The following PTPRD variants were observed in gnomAD, a reference collection of about 807,000 sequenced individuals.
PTPRD encodes the protein receptor-type tyrosine-protein phosphatase delta.
A neutral mutation model predicts 214.5 loss-of-function variants in PTPRD; 34 were observed. That is an observed-to-expected ratio of 0.16 (90% CI 0.12 to 0.21). The LOEUF is 0.21. Ranked by LOEUF, PTPRD falls within the 10% of genes least tolerant of loss-of-function variation. The pLI is 1.00. For missense variants in PTPRD, 2,545 were observed against 2,398.7 expected (o/e 1.06, Z -1.27); for synonymous variants, 1,128 against 845.7 (o/e 1.33, Z -5.79).
chr9:10,087,489 A>G lies in PTPRD; in HGVS notation c.-544-53699T>C, dbSNP rs187205655. Among the ~76,000 whole-genome samples the G allele has an allele frequency of 2.7e-3, 414 of 151,834 alleles. 1 individual carries two copies. The highest frequency in any genetic ancestry group is 4.5e-3 in the Non-Finnish European group (307 of 67,806). On this transcript the variant is annotated intron_variant, in intron 3 of 45. Coordinates refer to ENST00000381196, the MANE Select transcript of PTPRD (RefSeq NM_002839.4). Reference sequence around the variant, plus strand: ...CTTCAGAGTGTAGTTTATCCATTATATCACTACAACTACAGCCTCCTATCA... The same window carrying G: ...CTTCAGAGTGTAGTTTATCCATTATGTCACTACAACTACAGCCTCCTATCA...
chr9:10,238,581 C>T (rs1054917836), intron 3 of PTPRD, among the ~76,000 whole-genome samples: 19 of 151,718 alleles, frequency 1.3e-4, no homozygotes, highest in Non-Finnish European at 1.8e-4. Context: ...CTTTAGCTAT[C>T]GAAAGCATAT....
At chr9:10,264,041 C>A (rs888718349) in intron 3 of PTPRD, among the ~76,000 whole-genome samples, 3 of 152,138 alleles carry the variant, frequency 2.0e-5, no homozygotes, top group Non-Finnish European at 4.4e-5. Context: ...TGCGAGTGCA[C>A]AGAAGTCAAG....
At chr9:10,017,115 T>C (rs1298127801) in intron 4 of PTPRD, among the ~76,000 whole-genome samples, 3 of 152,234 alleles carry the variant, frequency 2.0e-5, no homozygotes, top group African/African-American at 7.2e-5. Flanking sequence ...TTCCCAATCA[T>C]ACACATGTTT....
intron 12 of PTPRD, among the ~76,000 whole-genome samples, chr9:8,705,877 T>C (rs1315312277): frequency 1.3e-5 from 2 of 152,218 alleles, no homozygotes; most frequent in Non-Finnish European, 2.9e-5. Flanking sequence ...AAGTGTATTT[T>C]TCCATGAGCA....
intron 9 of PTPRD, among the ~76,000 whole-genome samples, chr9:9,379,393 T>C (rs983287143): frequency 4.0e-5 from 6 of 151,852 alleles, no homozygotes; most frequent in Admixed American, 3.9e-4. Flanking sequence ...AAAATTGATC[T>C]ACTTTCCTAT....
At chr9:9,897,773 C>G (rs2075385478) in intron 5 of PTPRD, among the ~76,000 whole-genome samples, 1 of 151,980 alleles carries the variant, frequency 6.6e-6, no homozygotes, top group Non-Finnish European at 1.5e-5. Context: ...TTATTTTAAA[C>G]TTGATATTTT....
intron 10 of PTPRD, among the ~76,000 whole-genome samples, chr9:9,115,322 A>G (rs2099811335): frequency 1.3e-5 from 2 of 152,192 alleles, no homozygotes; most frequent in Middle Eastern, 3.2e-3. Flanking sequence ...TTTCCATGAC[A>G]TGAACAGACA....
intron 8 of PTPRD, among the ~76,000 whole-genome samples, chr9:9,437,373 C>A (rs1233402975): frequency 6.6e-6 from 1 of 152,096 alleles, no homozygotes; most frequent in Non-Finnish European, 1.5e-5. Flanking sequence ...TTTGATTGCA[C>A]TGTCACCAGG....
chr9:10,038,811 A>G (rs2097240240), intron 3 of PTPRD, among the ~76,000 whole-genome samples: 2 of 152,010 alleles, frequency 1.3e-5, no homozygotes, highest in Non-Finnish European at 1.5e-5. Flanking sequence ...AAAATGTTGT[A>G]TTATTATTGT....
At chr9:10,508,360 A>G (rs978794618) in intron 2 of PTPRD, among the ~76,000 whole-genome samples, 16 of 152,204 alleles carry the variant, frequency 1.1e-4, no homozygotes, top group African/African-American at 3.4e-4. Flanking sequence ...ACTGTAAACT[A>G]GTTCAACCAT....
At chr9:9,840,624 G>A (rs975477871) in intron 5 of PTPRD, among the ~76,000 whole-genome samples, 10 of 151,734 alleles carry the variant, frequency 6.6e-5, no homozygotes, top group South Asian at 2.1e-4. Context: ...TTAGCTGGGC[G>A]TGGTGGCGCG....
At chr9:9,907,975 G>A (rs977142592) in intron 5 of PTPRD, among the ~76,000 whole-genome samples, 1 of 151,862 alleles carries the variant, frequency 6.6e-6, no homozygotes, top group East Asian at 1.9e-4. Flanking sequence ...AATGTATCAT[G>A]TACCTGACCT....
At position 10,410,689 on chromosome 9, in the gene PTPRD, T is replaced by G. The variant is rs141135589; in HGVS notation, c.-599-69672A>C. Among the ~76,000 whole-genome samples, 3 of 151,910 alleles carry G rather than the reference T, an allele frequency of 2.0e-5. No homozygotes were observed. In the East Asian group the frequency reaches 5.9e-4, roughly 30 times the overall value. On this transcript the variant is annotated intron_variant, in intron 2 of 45. Transcript: ENST00000381196. ...TTGTTAATCTAAATAATAACATTGATTCAGACAAAGATTTATCTTTAAATA... is the reference window on the plus strand; with the variant it reads ...TTGTTAATCTAAATAATAACATTGAGTCAGACAAAGATTTATCTTTAAATA...
At position 8,905,530 on chromosome 9, in the gene PTPRD, G is replaced by A. The variant is rs1248533476; in HGVS notation, c.-104+113167C>T. Among the ~76,000 whole-genome samples, 4 of 151,902 alleles carry A rather than the reference G, an allele frequency of 2.6e-5. No homozygotes were observed. In the South Asian group the frequency reaches 6.2e-4, roughly 24 times the overall value. On this transcript the variant is annotated intron_variant, in intron 11 of 45. Coordinates refer to ENST00000381196, the MANE Select transcript of PTPRD (RefSeq NM_002839.4). ...GAGGCGGGCGGATTACCTGAGGTCA[G>A]GCATTCAAGACCAGCCTGGCCAATG...
chr9:9,923,194 G>C (rs925902103), intron 5 of PTPRD, among the ~76,000 whole-genome samples: 2 of 149,990 alleles, frequency 1.3e-5, no homozygotes, highest in Non-Finnish European at 3.0e-5. Flanking sequence ...TAACTCTACA[G>C]ATAATCTGGG....
chr9:10,040,547 C>G (rs964060554), intron 3 of PTPRD, among the ~76,000 whole-genome samples: 1 of 151,974 alleles, frequency 6.6e-6, no homozygotes, highest in Non-Finnish European at 1.5e-5. Context: ...AACAGACTAT[C>G]CAGCTATGTA....
intron 10 of PTPRD, among the ~76,000 whole-genome samples, chr9:9,164,545 T>C (rs1424556277): frequency 6.6e-6 from 1 of 152,196 alleles, no homozygotes; most frequent in East Asian, 1.9e-4. Context: ...TAGGAGGGTA[T>C]TATACTGCCT....
At chr9:9,375,323 G>A (rs903908194) in intron 9 of PTPRD, among the ~76,000 whole-genome samples, 2 of 152,102 alleles carry the variant, frequency 1.3e-5, no homozygotes, top group African/African-American at 4.8e-5. Context: ...AAATGGCTGG[G>A]CGCAGTGGCT....
intron 39 of PTPRD, among the ~76,000 whole-genome samples, chr9:8,355,763 C>T (rs1057051692): frequency 6.6e-6 from 1 of 152,248 alleles, no homozygotes; most frequent in East Asian, 1.9e-4. Context: ...AGCACGGAGA[C>T]CTGGGCTCTG....
Sources: gnomAD v4.1 joint callset for allele counts (sites outside exome capture counted in the v4.1 genomes callset) on GRCh38, gnomAD v4.1.1 for gene constraint, MANE v1.5 for transcripts, NCBI Gene and HGNC (gene_info 2026-07-23, HGNC 2026-07-21) for gene names.